Variants in PCDHA4 observed in about 807,000 individuals in gnomAD.
PCDHA4 encodes the protein protocadherin alpha-4.
In PCDHA4, 49 loss-of-function variants were observed where a neutral mutation model predicts 61.4. That is an observed-to-expected ratio of 0.80 (90% CI 0.63 to 1.01). The LOEUF (loss-of-function observed/expected upper bound fraction) is 1.01, where lower values mean the gene tolerates loss of function less well. PCDHA4 is among the 50% of genes least tolerant of loss of function. The probability of loss-of-function intolerance (pLI) is 0.00; values close to 1 mark genes in which losing one functional copy is unlikely to be tolerated. For missense variants in PCDHA4, 1,254 were observed against 1,235.8 expected (o/e 1.01, Z -0.22); for synonymous variants, 590 against 550.3 (o/e 1.07, Z -1.01).
rs1441304336 is a variant in PCDHA4 at position 140,808,971 on chromosome 5, G to T, written c.1784G>T (p.Arg595Leu). ...VGVGHVVAKV[R>L]AVDADSGYNA... ...GTGGGCCACGTGGTGGCAAAGGTGCGCGCGGTGGATGCTGACTCGGGCTAC... is the reference window on the plus strand; with the variant it reads ...GTGGGCCACGTGGTGGCAAAGGTGCTCGCGGTGGATGCTGACTCGGGCTAC... Residue 595 changes from arginine to leucine, a missense_variant, in exon 1 of 4, where the codon CGC (arginine) becomes CTC (leucine). Arg to Leu is a moderately radical substitution (Grantham distance 102). Transcript: ENST00000530339. The T allele has an allele frequency of 1.2e-6, 2 of 1,613,598 alleles. No homozygotes were observed. Among genetic ancestry groups the T allele is most frequent in the African/African-American group, 1.3e-5 (1 of 75,042 alleles).
At chr5:140,981,982 A>G (rs1026116713) in intron 2 of PCDHA4, among the ~76,000 whole-genome samples, 6 of 152,218 alleles carry the variant, frequency 3.9e-5, no homozygotes, top group Admixed American at 2.0e-4. Context: ...AAAGAGTAAA[A>G]TAGAAAATAA....
At chr5:140,929,195 G>GT in intron 1 of PCDHA4, 2 of 1,614,140 alleles carry the variant, frequency 1.2e-6, no homozygotes, top group Non-Finnish European at 1.7e-6. Context: ...GATAATAACA[G>GT]TTTGCTGTTG....
intron 1 of PCDHA4, among the ~76,000 whole-genome samples, chr5:140,934,534 G>GT (rs1563143363): frequency 2.6e-5 from 4 of 152,064 alleles, no homozygotes; most frequent in Non-Finnish European, 4.4e-5. Flanking sequence ...GAGAGCTACC[G>GT]TTCTAATTCT....
intron 1 of PCDHA4, chr5:140,875,236 C>T: frequency 1.1e-6 from 1 of 889,228 alleles, no homozygotes. Context: ...CTTTCTTGTA[C>T]TTACATAATC....
intron 1 of PCDHA4, chr5:140,836,379 C>T (rs2150259226): frequency 6.2e-7 from 1 of 1,613,734 alleles, no homozygotes; most frequent in Non-Finnish European, 8.5e-7. Context: ...AGCCACCGTG[C>T]TGGTGTCGCT....
intron 1 of PCDHA4, among the ~76,000 whole-genome samples, chr5:140,953,746 A>G (rs2094931124): frequency 6.6e-6 from 1 of 152,016 alleles, no homozygotes; most frequent in African/African-American, 2.4e-5. Context: ...TTAACATTAC[A>G]TTTATCCAAG....
At chr5:140,837,652 CCTTTTTCTTTCATT>C (rs2150143290) in intron 1 of PCDHA4, among the ~76,000 whole-genome samples, 1 of 148,754 alleles carries the variant, frequency 6.7e-6, no homozygotes, top group South Asian at 2.1e-4. Flanking sequence ...TTTCTTTCTT[CCTTTTTCTTTCATT>C]CTTTTTCTTT....
At position 140,882,079 on chromosome 5, in the gene PCDHA4, G is replaced by C. The variant is rs2058940272; in HGVS notation, c.2385+72507G>C. 3.1e-6 allele frequency: 3 copies of C among 952,854 alleles called. No homozygotes were observed. In the East Asian group the frequency reaches 7.8e-5, roughly 25 times the overall value. The allele number at this position is 952,854 out of a possible 1,614,324, so 59.0% of individuals were successfully genotyped here. A position where few individuals can be genotyped will look rare whatever the true frequency, so the allele number is the denominator to read the frequency against. On this transcript the variant is annotated intron_variant, in intron 1 of 3. Transcript: ENST00000530339. ...CTTACACGTTCATGCGCATGGTGTCGCTCTTCACTGAGAACGTTTCCGCGA... is the reference window on the plus strand; with the variant it reads ...CTTACACGTTCATGCGCATGGTGTCCCTCTTCACTGAGAACGTTTCCGCGA...
At chr5:140,842,634 C>A (rs2150340944) in intron 1 of PCDHA4, 1 of 1,589,836 alleles carries the variant, frequency 6.3e-7, no homozygotes, top group Admixed American at 1.7e-5. Context: ...CTGTGGGCCA[C>A]CGCCAGCTTG....
At chr5:140,854,572 C>T (rs2043163133) in intron 1 of PCDHA4, 2 of 149,770 alleles carry the variant, frequency 1.3e-5, no homozygotes, top group South Asian at 4.2e-4. Context: ...CTCTGTCATT[C>T]AGATTTTAAT....
intron 1 of PCDHA4, among the ~76,000 whole-genome samples, chr5:140,889,326 G>A (rs2062188363): frequency 6.6e-6 from 1 of 151,922 alleles, no homozygotes; most frequent in African/African-American, 2.4e-5. Flanking sequence ...TCTGTATCAG[G>A]ATTTTGATTG....
intron 3 of PCDHA4, among the ~76,000 whole-genome samples, chr5:140,991,989 G>A (rs782528431): frequency 1.3e-5 from 2 of 151,180 alleles, no homozygotes; most frequent in African/African-American, 4.9e-5. Flanking sequence ...CCTACCACCC[G>A]GTCTTTCATG....
intron 1 of PCDHA4, among the ~76,000 whole-genome samples, chr5:140,975,853 C>T (rs1419464318): frequency 6.6e-6 from 1 of 152,126 alleles, no homozygotes; most frequent in African/African-American, 2.4e-5. Context: ...AATACTACAT[C>T]ACCCATATGG....
chr5:140,900,817 A>G (rs2068314504), intron 1 of PCDHA4, among the ~76,000 whole-genome samples: 1 of 152,154 alleles, frequency 6.6e-6, no homozygotes, highest in Non-Finnish European at 1.5e-5. Context: ...ACTAATTTAC[A>G]TTCCCACCAA....
chr5:140,869,828 T>G, intron 1 of PCDHA4: 2 of 1,611,962 alleles, frequency 1.2e-6, no homozygotes, highest in South Asian at 2.2e-5. Context: ...GATCCAGAGT[T>G]TGATAAATCA....
intron 1 of PCDHA4, chr5:140,835,447 T>C (rs2150235866): frequency 2.5e-6 from 4 of 1,613,910 alleles, no homozygotes; most frequent in East Asian, 2.2e-5. Context: ...CTCACTTCCC[T>C]GTCTCTCCCT....
intron 1 of PCDHA4, chr5:140,883,300 T>C (rs782541976): frequency 6.2e-7 from 1 of 1,613,974 alleles, no homozygotes; most frequent in African/African-American, 1.3e-5. Flanking sequence ...TAGATGTAAA[T>C]GATAACGCCC....
At position 140,992,156 on chromosome 5, in the gene PCDHA4, A is replaced by G. The variant is rs79603129; in HGVS notation, c.2533+9593A>G. On this transcript the variant is annotated intron_variant, in intron 3 of 3. Coordinates refer to ENST00000530339, the MANE Select transcript of PCDHA4 (RefSeq NM_018907.4). ...TGATGATGCTAACTTTGCTCAATCA[A>G]GAAGTGTGATCCATTTAAATCATGC... Among the ~76,000 whole-genome samples the G allele has an allele frequency of 2.1e-3, 313 of 152,232 alleles. 2 individuals carry two copies. The highest frequency in any genetic ancestry group is 3.8e-3 in the Non-Finnish European group (258 of 67,998).
chr5:140,831,196 T>TG (rs2150105872), intron 1 of PCDHA4: 1 of 152,356 alleles, frequency 6.6e-6, no homozygotes, highest in South Asian at 2.1e-4. Flanking sequence ...TTAGACCTTG[T>TG]GATCAAGTAA....
Sources: allele counts gnomAD v4.1 joint callset (sites outside exome capture counted in the v4.1 genomes callset), GRCh38; gene constraint gnomAD v4.1.1; transcripts MANE v1.5; gene names NCBI Gene and HGNC (gene_info 2026-07-23, HGNC 2026-07-21).